SLPI: variants seen among roughly 807,000 people sequenced by gnomAD.
SLPI encodes antileukoproteinase.
Under a neutral mutation model 14.3 loss-of-function variants are expected in SLPI, and 20 were observed. The ratio of observed to expected loss-of-function variants is 1.40; its 90% CI spans 0.99 to 2.04. The LOEUF (loss-of-function observed/expected upper bound fraction) is 2.04. SLPI is among the 30% of genes most tolerant of loss of function. SLPI has a pLI of 0.00. For synonymous variants in SLPI, 68 were observed against 54.8 expected (o/e 1.24, Z -1.07); for missense variants, 169 against 159.4 (o/e 1.06, Z -0.32).
At position 45,253,167 on chromosome 20, in the gene SLPI, G is replaced by GCTAC; in HGVS notation, c.245-20_245-17dup. 1 of 1,612,800 alleles carries GCTAC rather than the reference G, an allele frequency of 6.2e-7. No individual in the cohort carries two copies. The highest frequency in any genetic ancestry group is 1.3e-5 in the African/African-American group (1 of 75,042). ...TTCCTCCTTGCTGGGTGAGAGTGAG[G>GCTAC]CTACCGGTCAGAGGCCTTGTACTTT... is the stretch of plus-strand genomic sequence containing the variant. On this transcript the variant is annotated splice_polypyrimidine_tract_variant and intron_variant, in intron 2 of 3. Coordinates refer to ENST00000338380, the MANE Select transcript of SLPI (RefSeq NM_003064.4).
At position 45,253,602 on chromosome 20, in the gene SLPI, G is replaced by A; in HGVS notation, c.217C>T (p.Leu73=). The change falls in exon 2 of 4, where the codon CTG becomes TTG. Residue 73 remains leucine, a synonymous_variant. Coordinates refer to ENST00000338380, the MANE Select transcript of SLPI (RefSeq NM_003064.4). ...GGGTTTGGGGTGTCAACAGGATCCA[G>A]GCATTTGATGCCACAAGTGTCAGGA... ...CCPDTCGIKC[L]DPVDTPNPTR... is the part of the protein sequence containing the mutation. 6.2e-7 allele frequency: 1 copy of A among 1,614,080 alleles called. No homozygotes were observed. The highest frequency in any genetic ancestry group is 8.5e-7 in the Non-Finnish European group (1 of 1,179,988).
At position 45,253,002 on chromosome 20, in the gene SLPI, C is replaced by A; in HGVS notation, c.394G>T (p.Ala132Ser). Residue 132 changes from alanine to serine, a missense_variant and splice_region_variant, in exon 3 of 4, where the codon GCT becomes TCT. Coordinates refer to ENST00000338380, the MANE Select transcript of SLPI (RefSeq NM_003064.4). The stretch of plus-strand genomic sequence containing the variant: ...CAGTGTGCCCTCATCCCCTGCTTAC[C>A]TTTCACAGGGGAAACGCAGGATTTC... Reference protein sequence around the residue: ...CGKSCVSPVKA With the variant: ...CGKSCVSPVKS 6.2e-7 allele frequency: 1 copy of A among 1,613,728 alleles called. No homozygotes were observed. Among genetic ancestry groups the A allele is most frequent in the Non-Finnish European group, 8.5e-7 (1 of 1,179,786 alleles).
rs965940665 is a variant in SLPI at position 45,253,467 on chromosome 20, A to T, written c.244+108T>A. ...CTTCCTGCTTAGGGCAGTGTGACTCACTGACGGATTGACAAGGAGGCCTGG... is the reference window on the plus strand; with the variant it reads ...CTTCCTGCTTAGGGCAGTGTGACTCTCTGACGGATTGACAAGGAGGCCTGG... On this transcript the variant is annotated intron_variant, in intron 2 of 3. Transcript: ENST00000338380. The T allele has an allele frequency of 2.8e-6, 3 of 1,077,862 alleles. No homozygotes were observed. The African/African-American group carries it at 4.8e-5, about 17-fold the overall frequency. 66.8% of individuals were successfully genotyped at this position (1,077,862 alleles called of 1,614,324 possible). A position where few individuals can be genotyped will look rare whatever the true frequency, so the allele number is the denominator to read the frequency against.
chr20:45,252,865 T>C (rs1984700779), intron 3 of SLPI, 137 bp downstream of exon 3: 1 of 931,812 alleles, frequency 1.1e-6, no homozygotes, highest in Non-Finnish European at 1.6e-6. Flanking sequence ...AACAGTTCTC[T>C]TGAAGGACAA....
At chr20:45,253,417 C>T (rs930759818) in intron 2 of SLPI, among the ~76,000 whole-genome samples, 158 bp downstream of exon 2, 5 of 152,170 alleles carry the variant, frequency 3.3e-5, no homozygotes, top group Non-Finnish European at 7.4e-5. Context: ...TCTAAATGCC[C>T]GCTGCTTCAC....
intron 2 of SLPI, 118 bp downstream of exon 2, chr20:45,253,456 CA>C: frequency 2.0e-6 from 2 of 982,064 alleles, no homozygotes; most frequent in Non-Finnish European, 3.0e-6. Flanking sequence ...CTGCTTAGGG[CA>C]GTGTGACTCA....
Position 45,253,167 on chromosome 20 carries a change from G to A in SLPI, c.245-16C>T, listed in dbSNP as rs1600670144. 6.2e-7 allele frequency: 1 copy of A among 1,612,800 alleles called. No homozygotes were observed. Among genetic ancestry groups the A allele is most frequent in the Non-Finnish European group, 8.5e-7 (1 of 1,179,320 alleles). On this transcript the variant is annotated splice_polypyrimidine_tract_variant and intron_variant, in intron 2 of 3. Transcript: ENST00000338380. The stretch of plus-strand genomic sequence containing the variant: ...TTCCTCCTTGCTGGGTGAGAGTGAG[G>A]CTACCGGTCAGAGGCCTTGTACTTT...
At position 45,253,120 on chromosome 20, in the gene SLPI, A is replaced by C. The variant is rs1304480728; in HGVS notation, c.276T>G (p.Thr92=). The change falls in exon 3 of 4, where the codon ACT becomes ACG. Residue 92 remains threonine (T), a synonymous_variant. Coordinates refer to ENST00000338380, the MANE Select transcript of SLPI (RefSeq NM_003064.4). ...GGTTAAGCATCAAACATTGGCCATA[A>C]GTCACTGGGCACTTCCCAGGCTTCC... ...TRRKPGKCPV[T]YGQCLMLNPP... is the part of the protein sequence containing the mutation. 2 of 1,614,136 alleles carry C rather than the reference A, an allele frequency of 1.2e-6. No individual in the cohort carries two copies. The highest frequency in any genetic ancestry group is 8.5e-7 in the Non-Finnish European group (1 of 1,179,998).
chr20:45,252,961 A>G (rs1427941748), intron 3 of SLPI, 41 bp downstream of exon 3: 3 of 1,600,598 alleles, frequency 1.9e-6, no homozygotes, highest in Admixed American at 3.4e-5. Context: ...TGAGGCTGAG[A>G]GGGCTGGAGG....
In SLPI at chr20:45,253,129, G is replaced by C; in HGVS notation, c.267C>G (p.Cys89Trp). 1 of 1,614,068 alleles carries C rather than the reference G, an allele frequency of 6.2e-7. No homozygotes were observed. The highest frequency in any genetic ancestry group is 8.5e-7 in the Non-Finnish European group (1 of 1,179,952). The change falls in exon 3 of 4, where the codon TGC becomes TGG. Residue 89 changes from cysteine (C) to tryptophan (W), a missense_variant. Physicochemically the swap from Cys to Trp is radical, Grantham distance 215 (BLOSUM62 -2). Coordinates refer to ENST00000338380, the MANE Select transcript of SLPI (RefSeq NM_003064.4). ...PNPTRRKPGK[C>W]PVTYGQCLML... ...TCAAACATTGGCCATAAGTCACTGG[G>C]CACTTCCCAGGCTTCCTCCTTGCTG...
At chr20:45,252,816 C>T (rs1699276853) in intron 3 of SLPI, among the ~76,000 whole-genome samples, 186 bp downstream of exon 3, 1 of 152,188 alleles carries the variant, frequency 6.6e-6, no homozygotes, top group Non-Finnish European at 1.5e-5. Flanking sequence ...ATCAAAGCCA[C>T]AGGCGATCCT....
chr20:45,254,372 G>T, intron 1 of SLPI, 87 bp downstream of exon 1: 1 of 1,098,210 alleles, frequency 9.1e-7, no homozygotes, highest in Non-Finnish European at 1.4e-6. Context: ...AGGGATCAGA[G>T]CCTACAGAAG....
intron 1 of SLPI, among the ~76,000 whole-genome samples, chr20:45,254,159 A>G (rs16989894): frequency 0.022 from 3,254 of 150,778 alleles, 116 homozygotes; most frequent in African/African-American, 0.075. Context: ...GAAACTAATG[A>G]TTTGAGAGTC....
In SLPI at chr20:45,252,269, C is replaced by G. The variant is rs1984683336; in HGVS notation, c.*146G>C. 3.7e-5 allele frequency: 24 copies of G among 649,346 alleles called. No homozygotes were observed. In the South Asian group the frequency reaches 4.9e-4, roughly 13 times the overall value. 40.2% of individuals were successfully genotyped at this position (649,346 alleles called of 1,614,324 possible). A position where few individuals can be genotyped will look rare whatever the true frequency, so the allele number is the denominator to read the frequency against. On this transcript the variant is annotated 3_prime_UTR_variant, in exon 4 of 4. Transcript: ENST00000338380. ...AGAGAAATAGGCTCGTTTATTTATT[C>G]ATTGATCAACTGGCACTTCTTGAAA...
chr20:45,252,881 T>A, intron 3 of SLPI, 121 bp downstream of exon 3: 2 of 1,039,804 alleles, frequency 1.9e-6, no homozygotes, highest in Non-Finnish European at 2.8e-6. Flanking sequence ...GACAAGGGAG[T>A]CAGACAGAGG....
chr20:45,253,761 G>C (rs1456740990), intron 1 of SLPI, 28 bp from the exon 2 acceptor site: 3 of 1,607,696 alleles, frequency 1.9e-6, no homozygotes, highest in Non-Finnish European at 1.7e-6. Flanking sequence ...AAGAGGTCAG[G>C]AGGAGGCTGG....
At chr20:45,253,247 AG>A in intron 2 of SLPI, 96 bp from the exon 3 acceptor site, 3 of 1,440,948 alleles carry the variant, frequency 2.1e-6, no homozygotes, top group Admixed American at 3.9e-5. Flanking sequence ...CAGCTTCAGC[AG>A]GGGGGATCAT....
Position 45,252,377 on chromosome 20 carries a change from CAG to C in SLPI, c.*36_*37del. The C allele has an allele frequency of 6.2e-7, 1 of 1,611,648 alleles. No individual in the cohort carries two copies. Among genetic ancestry groups the C allele is most frequent in the Non-Finnish European group, 8.5e-7 (1 of 1,178,326 alleles). On this transcript the variant is annotated 3_prime_UTR_variant, in exon 4 of 4. Coordinates refer to ENST00000338380, the MANE Select transcript of SLPI (RefSeq NM_003064.4). ...CAGGGTGGAAAGGACCTGGACCACA[CAG>C]AGCAGGACTCCAGAGCCTCCTCCAT...
intron 1 of SLPI, 140 bp downstream of exon 1, chr20:45,254,319 G>T (rs771254469): frequency 1.5e-4 from 103 of 678,706 alleles, no homozygotes; most frequent in Non-Finnish European, 2.3e-4. Flanking sequence ...AGCTCAGCCA[G>T]ACATGTATTC....
Sources: allele counts gnomAD v4.1 joint callset (sites outside exome capture counted in the v4.1 genomes callset), GRCh38; gene constraint gnomAD v4.1.1; transcripts MANE v1.5; gene names NCBI Gene and HGNC (gene_info 2026-07-23, HGNC 2026-07-21).